CNTN5: variants seen among roughly 807,000 people sequenced by gnomAD.
CNTN5 encodes the protein contactin 5, also known as contactin-5.
Under a neutral mutation model 129.1 loss-of-function variants are expected in CNTN5, and 77 were observed. That is an observed-to-expected ratio of 0.60 (90% CI 0.50 to 0.72). The LOEUF is 0.72. Ranked by LOEUF, CNTN5 falls within the 30% of genes least tolerant of loss-of-function variation. The pLI is 0.00. For synonymous variants in CNTN5, 509 were observed against 465.6 expected, an observed-to-expected ratio of 1.09 and a Z score of -1.20; for missense variants, 1,478 against 1,328.8, an observed-to-expected ratio of 1.11 and a Z score of -1.75.
intron 13 of CNTN5, among the ~76,000 whole-genome samples, chr11:100,183,619 G>GT (rs1948205333): frequency 6.6e-6 from 1 of 152,106 alleles, no homozygotes; most frequent in Non-Finnish European, 1.5e-5. Flanking sequence ...CAACGATGGG[G>GT]TTAGAAGGGG....
intron 13 of CNTN5, among the ~76,000 whole-genome samples, chr11:100,077,807 A>G (rs918988958): frequency 2.6e-5 from 4 of 152,166 alleles, no homozygotes; most frequent in Non-Finnish European, 5.9e-5. Context: ...ACTGAGCTCC[A>G]GCCTGGATGA....
At chr11:99,791,908 G>T (rs1945757110) in intron 3 of CNTN5, among the ~76,000 whole-genome samples, 1 of 151,994 alleles carries the variant, frequency 6.6e-6, no homozygotes. Flanking sequence ...TCTCAGATTG[G>T]ATCTTGTTGA....
chr11:99,492,870 C>T (rs998028799), intron 2 of CNTN5, among the ~76,000 whole-genome samples: 8 of 152,068 alleles, frequency 5.3e-5, no homozygotes, highest in African/African-American at 7.2e-5. Context: ...GAGGGGACAC[C>T]GTGAGGACCG....
chr11:99,659,376 A>T (rs1275800405), intron 3 of CNTN5, among the ~76,000 whole-genome samples: 1 of 152,212 alleles, frequency 6.6e-6, no homozygotes, highest in Non-Finnish European at 1.5e-5. Context: ...ATAAGTAAAC[A>T]TAACAAATTT....
chr11:99,339,754 C>T (rs552094404), intron 2 of CNTN5, among the ~76,000 whole-genome samples: 7 of 149,820 alleles, frequency 4.7e-5, no homozygotes, highest in Non-Finnish European at 1.0e-4. Context: ...CGCACTCCAG[C>T]CTGCGCTACA....
intron 6 of CNTN5, among the ~76,000 whole-genome samples, chr11:99,850,386 A>G (rs1250223545): frequency 6.6e-6 from 1 of 152,182 alleles, no homozygotes; most frequent in Non-Finnish European, 1.5e-5. Context: ...AATGATGACA[A>G]GGAACTGAGT....
At chr11:99,710,547 TTGTGTGTG>T (rs71050017) in intron 3 of CNTN5, among the ~76,000 whole-genome samples, 1 of 145,902 alleles carries the variant, frequency 6.9e-6, no homozygotes, top group Non-Finnish European at 1.5e-5. Flanking sequence ...CTGCTCTAGA[TTGTGTGTG>T]TGTGTGTGTG....
intron 8 of CNTN5, among the ~76,000 whole-genome samples, chr11:99,975,399 A>T (rs1937880712): frequency 6.6e-6 from 1 of 152,104 alleles, no homozygotes; most frequent in Admixed American, 6.6e-5. Context: ...CAGTGCCTGT[A>T]CCCATATTGT....
intron 3 of CNTN5, among the ~76,000 whole-genome samples, chr11:99,683,118 A>C (rs1953632697): frequency 6.6e-6 from 1 of 151,872 alleles, no homozygotes; most frequent in Non-Finnish European, 1.5e-5. Context: ...TAGTATTTTT[A>C]CTTCTACAGT....
At chr11:100,192,117 A>T (rs1490213818) in intron 14 of CNTN5, among the ~76,000 whole-genome samples, 1 of 152,074 alleles carries the variant, frequency 6.6e-6, no homozygotes, top group African/African-American at 2.4e-5. Flanking sequence ...CAAAATGTAA[A>T]ATATACTTTC....
At chr11:100,315,809 A>C (rs1275113405) in intron 21 of CNTN5, among the ~76,000 whole-genome samples, 3 of 152,206 alleles carry the variant, frequency 2.0e-5, no homozygotes, top group African/African-American at 7.2e-5. Flanking sequence ...TTGGTTACCT[A>C]CATGGCATTA....
intron 13 of CNTN5, among the ~76,000 whole-genome samples, chr11:100,180,855 C>T (rs1048348478): frequency 6.6e-6 from 1 of 151,860 alleles, no homozygotes; most frequent in African/African-American, 2.4e-5. Context: ...AGATTTTCAA[C>T]ATCATTACAA....
intron 3 of CNTN5, among the ~76,000 whole-genome samples, chr11:99,565,689 T>C (rs762838678): frequency 1.6e-4 from 25 of 152,328 alleles, no homozygotes; most frequent in Admixed American, 2.6e-4. Flanking sequence ...CATTCTCCTA[T>C]CTCTGTCTTT....
chr11:99,101,398 T>A (rs1866729191), intron 1 of CNTN5, among the ~76,000 whole-genome samples: 2 of 152,188 alleles, frequency 1.3e-5, no homozygotes, highest in Non-Finnish European at 2.9e-5. Context: ...AAGTCGTAAC[T>A]CATTTCAGCA....
At chr11:99,633,350 A>G (rs1169596765) in intron 3 of CNTN5, among the ~76,000 whole-genome samples, 1 of 152,238 alleles carries the variant, frequency 6.6e-6, no homozygotes, top group Non-Finnish European at 1.5e-5. Flanking sequence ...ATACTGTACA[A>G]TAGAAATATT....
intron 6 of CNTN5, among the ~76,000 whole-genome samples, chr11:99,909,915 A>G (rs558587786): frequency 1.3e-4 from 20 of 152,198 alleles, no homozygotes; most frequent in Admixed American, 4.6e-4. Flanking sequence ...TACATATGTA[A>G]CAAACCTGCA....
chr11:99,832,618 G>A (rs1395462737), intron 4 of CNTN5, among the ~76,000 whole-genome samples: 1 of 152,166 alleles, frequency 6.6e-6, no homozygotes, highest in African/African-American at 2.4e-5. Context: ...GTTAAAAGAA[G>A]ATTTGGACAA....
chr11:99,973,753 A>G (rs1349614694), intron 8 of CNTN5, among the ~76,000 whole-genome samples: 1 of 152,180 alleles, frequency 6.6e-6, no homozygotes, highest in African/African-American at 2.4e-5. Context: ...ATTATCCAGT[A>G]TTAAAAATCA....
At position 99,446,539 on chromosome 11, in the gene CNTN5, A is replaced by G. The variant is rs17133556; in HGVS notation, c.-70-109606A>G. Among the ~76,000 whole-genome samples, 498 of 152,330 alleles carry G rather than the reference A, an allele frequency of 3.3e-3. 3 individuals carry two copies. The highest frequency in any genetic ancestry group is 0.011 in the African/African-American group (472 of 41,564). ...AGTTATTGGCCTGCAAATAATAAAG[A>G]TGTAAAGTTAGCCTTGAAATAACCT... On this transcript the variant is annotated intron_variant, in intron 2 of 24. Transcript: ENST00000524871.
Sources: gnomAD v4.1 joint callset for allele counts (sites outside exome capture counted in the v4.1 genomes callset) on GRCh38, gnomAD v4.1.1 for gene constraint, MANE v1.5 for transcripts, NCBI Gene and HGNC (gene_info 2026-07-23, HGNC 2026-07-21) for gene names.